FNBP1: variants seen among roughly 807,000 people sequenced by gnomAD.
FNBP1 encodes formin-binding protein 1.
FNBP1 carries 26 observed loss-of-function variants against 90.6 expected under a neutral mutation model. The ratio of observed to expected loss-of-function variants is 0.29; its 90% confidence interval spans 0.21 to 0.40. The LOEUF is 0.40. Among genes scored for constraint, FNBP1 ranks in the 10% least tolerant of loss-of-function variants. The pLI is 1.00. For synonymous variants in FNBP1, 260 were observed against 265.2 expected, an observed-to-expected ratio of 0.98 and a Z score of 0.19; for missense variants, 635 against 768.0, an observed-to-expected ratio of 0.83 and a Z score of 2.05.
intron 1 of FNBP1, among the ~76,000 whole-genome samples, chr9:130,008,361 G>A (rs977500192): frequency 2.6e-5 from 4 of 151,604 alleles, no homozygotes; most frequent in Non-Finnish European, 5.9e-5. Flanking sequence ...AAAACAAACC[G>A]AAAAAACCAC....
At chr9:129,965,437 ATT>A (rs2048408385) in intron 4 of FNBP1, among the ~76,000 whole-genome samples, 1 of 152,076 alleles carries the variant, frequency 6.6e-6, no homozygotes, top group African/African-American at 2.4e-5. Context: ...AAGCAGCAGC[ATT>A]TTCCCTCCCT....
rs937873986 is a variant in FNBP1, at chr9:130,031,413, C to T, written c.24+11539G>A. Among the ~76,000 whole-genome samples the T allele has an allele frequency of 6.6e-6, 1 of 152,208 alleles. No individual in the cohort carries two copies. Among genetic ancestry groups the T allele is most frequent in the East Asian group, 1.9e-4 (1 of 5,196 alleles). The stretch of plus-strand genomic sequence containing the variant: ...CCTCTTCAGGCTCCTATTACAACTC[C>T]ATCACCTGCTCATCATTTGAGAGCT... On this transcript the variant is annotated intron_variant, in intron 1 of 16. Transcript: ENST00000446176. This position sits in a 1 kb window ranked among gnomAD's most constrained non-coding sequence, Gnocchi z 4.2.
At chr9:129,910,532 C>T (rs892987445) in intron 11 of FNBP1, among the ~76,000 whole-genome samples, 8 of 141,058 alleles carry the variant, frequency 5.7e-5, no homozygotes, top group Non-Finnish European at 4.6e-5. Flanking sequence ...TTCAAATAAC[C>T]AGGGATAAGC....
At chr9:129,990,951 T>TTTTG (rs1380970529) in intron 2 of FNBP1, among the ~76,000 whole-genome samples, 1 of 150,066 alleles carries the variant, frequency 6.7e-6, no homozygotes, top group Non-Finnish European at 1.5e-5. Flanking sequence ...TTTTTTTTTT[T>TTTTG]GAGATGGAGT....
intron 11 of FNBP1, among the ~76,000 whole-genome samples, chr9:129,912,203 T>C (rs534624855): frequency 6.6e-6 from 1 of 152,284 alleles, no homozygotes; most frequent in Non-Finnish European, 1.5e-5. Flanking sequence ...ACCCAGCTAG[T>C]GTCTGCTGCT....
At chr9:130,052,445 T>G in the FNBP1 span, among the ~76,000 whole-genome samples, 1 of 152,164 alleles carries the variant, frequency 6.6e-6, no homozygotes, top group Non-Finnish European at 1.5e-5. Context: ...TGATTTTTTT[T>G]TTATTGAGAC....
intron 11 of FNBP1, among the ~76,000 whole-genome samples, chr9:129,914,756 T>TGTGTG (rs1491521020): frequency 6.2e-5 from 1 of 16,028 alleles, no homozygotes; most frequent in Non-Finnish European, 1.4e-4. Context: ...CATACATATG[T>TGTGTG]CTATATATAT....
intron 10 of FNBP1, among the ~76,000 whole-genome samples, chr9:129,918,669 A>G (rs2040618274): frequency 6.6e-6 from 1 of 152,216 alleles, no homozygotes; most frequent in African/African-American, 2.4e-5. Context: ...TTTAGGGCAT[A>G]ACTCCCTTAT....
At chr9:130,010,121 G>A (rs2056350583) in intron 1 of FNBP1, among the ~76,000 whole-genome samples, 1 of 152,094 alleles carries the variant, frequency 6.6e-6, no homozygotes, top group Non-Finnish European at 1.5e-5. Flanking sequence ...AAATGTACCT[G>A]TGGACTTTCC....
intron 6 of FNBP1, among the ~76,000 whole-genome samples, chr9:129,933,130 TTCTA>T (rs2042995580): frequency 1.3e-5 from 2 of 152,164 alleles, no homozygotes; most frequent in Non-Finnish European, 2.9e-5. Flanking sequence ...ATTTTGAAGA[TTCTA>T]TCTAAGTGAG....
intron 2 of FNBP1, among the ~76,000 whole-genome samples, chr9:129,992,549 CTT>C (rs11455680): frequency 8.6e-5 from 8 of 92,578 alleles, no homozygotes; most frequent in East Asian, 7.4e-4. Flanking sequence ...ACACATAGCT[CTT>C]TTTTTTTTTT....
At chr9:129,991,946 A>G (rs370374028) in intron 2 of FNBP1, among the ~76,000 whole-genome samples, 164 of 152,346 alleles carry the variant, frequency 1.1e-3, no homozygotes, top group African/African-American at 3.8e-3. Flanking sequence ...GGCATAAGCC[A>G]CCGCGCCCAG....
chr9:129,997,563 C>A (rs544695750), intron 1 of FNBP1, among the ~76,000 whole-genome samples: 1 of 152,314 alleles, frequency 6.6e-6, no homozygotes, highest in Non-Finnish European at 1.5e-5. Context: ...AACAAATATA[C>A]ACACAACTCA....
chr9:130,006,274 C>T (rs1304466349), intron 1 of FNBP1, among the ~76,000 whole-genome samples: 1 of 152,056 alleles, frequency 6.6e-6, no homozygotes, highest in Non-Finnish European at 1.5e-5. Context: ...GAAACCCCGT[C>T]TCTACTAAAA....
rs79705862 is a variant in FNBP1, at chr9:130,041,994, G to A, written c.24+958C>T. ...TTGAGGGCATTTCAGTGCAGTAACTGAGATTTCGTCTGCTCCTTCCCGGGC... is the reference window on the plus strand; with the variant it reads ...TTGAGGGCATTTCAGTGCAGTAACTAAGATTTCGTCTGCTCCTTCCCGGGC... On this transcript the variant is annotated intron_variant, in intron 1 of 16. Coordinates refer to ENST00000446176, the MANE Select transcript of FNBP1 (RefSeq NM_015033.3). The surrounding 1 kb of genome is among the most constrained non-coding windows in gnomAD (Gnocchi z 4.3). 0.016 allele frequency among the ~76,000 whole-genome samples: 2,490 copies of A among 152,188 alleles called. 29 individuals are homozygous for A. Among genetic ancestry groups the A allele is most frequent in the East Asian group, 0.03 (155 of 5,166 alleles).
intron 2 of FNBP1, among the ~76,000 whole-genome samples, chr9:129,983,413 T>G (rs971268409): frequency 1.3e-5 from 2 of 152,216 alleles, no homozygotes; most frequent in African/African-American, 4.8e-5. Context: ...CAAAGTGAAC[T>G]TCATTTCAAA....
At chr9:130,019,095 C>T (rs926075626) in intron 1 of FNBP1, among the ~76,000 whole-genome samples, 2 of 151,906 alleles carry the variant, frequency 1.3e-5, no homozygotes, top group Admixed American at 6.6e-5. Context: ...GGCATGGTGG[C>T]CTGCATCTGT....
chr9:129,951,696 T>C (rs1298683817), intron 6 of FNBP1, among the ~76,000 whole-genome samples: 3 of 151,846 alleles, frequency 2.0e-5, no homozygotes, highest in Admixed American at 6.6e-5. Context: ...CCTCCCGCCT[T>C]GGCCTTCCAA....
chr9:129,910,683 T>C (rs10465144), intron 11 of FNBP1, among the ~76,000 whole-genome samples: 117,848 of 151,814 alleles, frequency 0.78, 46,154 homozygotes, highest in East Asian at 0.88. Flanking sequence ...GCAGCTTACA[T>C]GTGGGCTTAT....
Sources: gnomAD v4.1 joint callset for allele counts (sites outside exome capture counted in the v4.1 genomes callset) on GRCh38, gnomAD v4.1.1 for gene constraint, Gnocchi (gnomAD v3.1) non-coding constraint, MANE v1.5 for transcripts, NCBI Gene and HGNC (gene_info 2026-07-23, HGNC 2026-07-21) for gene names.